GRIK2: variants seen among roughly 807,000 people sequenced by gnomAD.
The protein encoded by GRIK2 is glutamate receptor ionotropic, kainate 2.
Under a neutral mutation model 100.3 loss-of-function variants are expected in GRIK2, and 32 were observed. The ratio of observed to expected loss-of-function variants is 0.32; its 90% CI spans 0.24 to 0.43. The LOEUF (loss-of-function observed/expected upper bound fraction) is 0.43, where lower values mean the gene tolerates loss of function less well. GRIK2 is among the 20% of genes least tolerant of loss of function. The pLI, the probability that GRIK2 is intolerant of heterozygous loss-of-function variation, is 1.00. For synonymous variants in GRIK2, 417 were observed against 389.4 expected (o/e 1.07, Z -0.83); for missense variants, 843 against 1,114.9 (o/e 0.76, Z 3.47).
intron 10 of GRIK2, among the ~76,000 whole-genome samples, chr6:101,833,231 GTTTGT>G (rs760693541): frequency 2.0e-5 from 3 of 151,780 alleles, no homozygotes; most frequent in Non-Finnish European, 2.9e-5. Flanking sequence ...GTTGTTGTTT[GTTTGT>G]TTTGTTTTGT....
chr6:101,988,168 C>T (rs1197730886), intron 14 of GRIK2, among the ~76,000 whole-genome samples: 1 of 142,374 alleles, frequency 7.0e-6, no homozygotes, highest in African/African-American at 2.6e-5. Context: ...CGCGCACATG[C>T]AAGAGCATTC....
intron 1 of GRIK2, among the ~76,000 whole-genome samples, chr6:101,397,551 T>C (rs1433037346): frequency 6.6e-6 from 1 of 152,184 alleles, no homozygotes; most frequent in Non-Finnish European, 1.5e-5. Context: ...TTAAAAAAAA[T>C]CAATGCCACT....
intron 4 of GRIK2, among the ~76,000 whole-genome samples, chr6:101,676,069 A>T (rs1441986814): frequency 2.6e-5 from 4 of 152,196 alleles, no homozygotes; most frequent in African/African-American, 9.6e-5. Flanking sequence ...ATAATCACTG[A>T]CTTACAAGGC....
intron 9 of GRIK2, among the ~76,000 whole-genome samples, chr6:101,807,859 T>C (rs1019114906): frequency 1.3e-5 from 2 of 152,032 alleles, no homozygotes; most frequent in African/African-American, 4.8e-5. Flanking sequence ...GTTTGGTCAT[T>C]GTCTATTTGT....
At chr6:101,938,119 TAGTTA>T (rs1201951116) in intron 14 of GRIK2, among the ~76,000 whole-genome samples, 2 of 151,026 alleles carry the variant, frequency 1.3e-5, no homozygotes, top group African/African-American at 5.0e-5. Flanking sequence ...TACCACATAC[TAGTTA>T]AGTTTTTTTT....
chr6:101,426,866 G>A (rs1769052684), intron 2 of GRIK2, among the ~76,000 whole-genome samples: 1 of 152,122 alleles, frequency 6.6e-6, no homozygotes, highest in Admixed American at 6.6e-5. Context: ...TACATAATCA[G>A]ATTTTTAAGA....
intron 7 of GRIK2, among the ~76,000 whole-genome samples, chr6:101,760,806 A>G (rs958981540): frequency 6.9e-6 from 1 of 145,108 alleles, no homozygotes; most frequent in Non-Finnish European, 1.5e-5. Context: ...GCTGTGTACT[A>G]TTTTATGTTG....
At chr6:101,623,551 A>G (rs1582844270) in intron 3 of GRIK2, among the ~76,000 whole-genome samples, 1 of 152,146 alleles carries the variant, frequency 6.6e-6, no homozygotes, top group Non-Finnish European at 1.5e-5. Context: ...TGAGTGCAGT[A>G]TAGATAAAAT....
intron 4 of GRIK2, among the ~76,000 whole-genome samples, chr6:101,646,125 A>G (rs1209446840): frequency 3.3e-5 from 5 of 151,214 alleles, no homozygotes; most frequent in Admixed American, 2.0e-4. Flanking sequence ...CCACAAGGGC[A>G]GAGAATGCGT....
At chr6:101,970,571 A>C (rs1792981030) in intron 14 of GRIK2, among the ~76,000 whole-genome samples, 1 of 151,764 alleles carries the variant, frequency 6.6e-6, no homozygotes, top group Non-Finnish European at 1.5e-5. Context: ...CCAAGTCATC[A>C]GGTCATTGTC....
At chr6:101,574,330 TATG>T (rs1777695961) in intron 2 of GRIK2, among the ~76,000 whole-genome samples, 1 of 147,430 alleles carries the variant, frequency 6.8e-6, no homozygotes, top group Non-Finnish European at 1.5e-5. Context: ...ATTATGAATA[TATG>T]ATAAATAAAA....
At chr6:101,614,323 A>G (rs1313143426) in intron 2 of GRIK2, among the ~76,000 whole-genome samples, 1 of 151,756 alleles carries the variant, frequency 6.6e-6, no homozygotes, top group Non-Finnish European at 1.5e-5. Context: ...ATTTTTAAAC[A>G]TACAGAAAAG....
At chr6:101,694,914 C>T (rs964648008) in intron 7 of GRIK2, among the ~76,000 whole-genome samples, 2 of 150,592 alleles carry the variant, frequency 1.3e-5, no homozygotes, top group African/African-American at 4.9e-5. Context: ...TGGCCTCATC[C>T]CAGTCTTTAA....
Position 101,859,391 on chromosome 6 carries a change from T to G in GRIK2, c.1422T>G (p.Leu474=). ...TCCTCAGAGAGTTATCTACAATCCT[T>G]GGCTTTACATATGAAATTAGACTTG... The part of the protein sequence containing the change: ...IDLLRELSTI[L]GFTYEIRLVE... The change falls in exon 11 of 17, where the codon CTT becomes CTG. Residue 474 remains leucine (L), a synonymous_variant. Coordinates refer to ENST00000369134, the MANE Select transcript of GRIK2 (RefSeq NM_021956.5). 1 of 1,602,174 alleles carries G rather than the reference T, an allele frequency of 6.2e-7. No individual in the cohort carries two copies. Among genetic ancestry groups the G allele is most frequent in the Non-Finnish European group, 8.6e-7 (1 of 1,169,246 alleles).
chr6:101,536,205 G>T (rs1775684332), intron 2 of GRIK2, among the ~76,000 whole-genome samples: 1 of 151,696 alleles, frequency 6.6e-6, no homozygotes, highest in Admixed American at 6.6e-5. Flanking sequence ...GTTCAGGGAT[G>T]ATGTACATTG....
chr6:101,932,791 C>T (rs961074459), intron 14 of GRIK2, among the ~76,000 whole-genome samples: 1 of 151,834 alleles, frequency 6.6e-6, no homozygotes, highest in Non-Finnish European at 1.5e-5. Context: ...TATTGCTTAA[C>T]AAACAGCCAA....
At chr6:101,455,800 A>G (rs964184756) in intron 2 of GRIK2, among the ~76,000 whole-genome samples, 1 of 152,104 alleles carries the variant, frequency 6.6e-6, no homozygotes, top group African/African-American at 2.4e-5. Flanking sequence ...TTAGTAGGAG[A>G]GAAAATAACG....
chr6:102,028,880 A>G (rs1480257174), intron 14 of GRIK2, among the ~76,000 whole-genome samples: 3 of 151,092 alleles, frequency 2.0e-5, no homozygotes, highest in Non-Finnish European at 4.4e-5. Flanking sequence ...AAAGAAAAAT[A>G]TTTTAACTAT....
intron 10 of GRIK2, among the ~76,000 whole-genome samples, chr6:101,849,770 C>CT (rs1286807795): frequency 1.4e-5 from 1 of 73,938 alleles, no homozygotes; most frequent in Non-Finnish European, 2.7e-5. Context: ...ACCATTATGT[C>CT]TTTTTCATTT....
Sources: allele counts gnomAD v4.1 joint callset (sites outside exome capture counted in the v4.1 genomes callset), GRCh38; gene constraint gnomAD v4.1.1; transcripts MANE v1.5; gene names NCBI Gene and HGNC (gene_info 2026-07-23, HGNC 2026-07-21).